Variants in CSMD1 observed in about 807,000 individuals in gnomAD.
CSMD1 encodes the protein CUB and sushi domain-containing protein 1.
CSMD1 carries 213 observed loss-of-function variants against 417.5 expected under a neutral mutation model. The ratio of observed to expected loss-of-function variants is 0.51; its 90% CI spans 0.46 to 0.57. CSMD1 has a LOEUF of 0.57. CSMD1 is among the 20% of genes least tolerant of loss of function. The pLI is 0.00. For missense variants in CSMD1, 6,923 were observed against 4,529.7 expected, an observed-to-expected ratio of 1.53 and a Z score of -15.17; for synonymous variants, 2,862 against 1,736.8, an observed-to-expected ratio of 1.65 and a Z score of -16.11.
intron 7 of CSMD1, among the ~76,000 whole-genome samples, chr8:3,681,959 A>T (rs1238510278): frequency 1.3e-5 from 2 of 152,210 alleles, no homozygotes; most frequent in African/African-American, 4.8e-5. Context: ...CCTATTCAAC[A>T]AATGGTGCTG....
intron 2 of CSMD1, among the ~76,000 whole-genome samples, chr8:4,537,154 C>T (rs1025107524): frequency 2.6e-5 from 4 of 152,072 alleles, no homozygotes; most frequent in African/African-American, 9.7e-5. Context: ...TTTGGGTCCT[C>T]TTGTACTTTT....
chr8:3,913,343 C>G (rs534939267), intron 5 of CSMD1, among the ~76,000 whole-genome samples: 4 of 151,894 alleles, frequency 2.6e-5, no homozygotes, highest in African/African-American at 9.7e-5. Context: ...AAGGCCAATC[C>G]GATATCAGAA....
chr8:3,115,810 C>A (rs564971503), intron 42 of CSMD1, among the ~76,000 whole-genome samples: 2 of 152,034 alleles, frequency 1.3e-5, no homozygotes, highest in African/African-American at 4.8e-5. Context: ...TCTAAACTGG[C>A]CAATTTTTAA....
intron 10 of CSMD1, among the ~76,000 whole-genome samples, chr8:3,541,746 A>T (rs10088878): frequency 0.39 from 54,179 of 140,508 alleles, 10,371 homozygotes; most frequent in East Asian, 0.47. Flanking sequence ...ATATTATATA[A>T]ATATATATAA....
In CSMD1 at chr8:3,367,261, C is replaced by G. The variant is rs112891734; in HGVS notation, c.2900-14G>C. 4.4e-6 allele frequency: 7 copies of G among 1,581,820 alleles called. No homozygotes were observed. In the African/African-American group the frequency reaches 8.1e-5, roughly 18 times the overall value. ...TCATTTGAACTCCTGAGAAATGAAG[C>G]CGGGGGAGAGAGAGAGAGACAGAGA... On this transcript the variant is annotated splice_polypyrimidine_tract_variant and intron_variant, in intron 19 of 69. Transcript: ENST00000635120.
At chr8:4,084,228 T>G (rs1026403003) in intron 3 of CSMD1, among the ~76,000 whole-genome samples, 1 of 151,794 alleles carries the variant, frequency 6.6e-6, no homozygotes. Context: ...CTCTGTAGAG[T>G]AGTAATCCCT....
intron 1 of CSMD1, among the ~76,000 whole-genome samples, chr8:4,743,992 T>A (rs1176452156): frequency 6.6e-6 from 1 of 152,214 alleles, no homozygotes; most frequent in Admixed American, 6.5e-5. Context: ...CAAACGTGTG[T>A]TAAAGTCACG....
chr8:3,676,189 C>A (rs752125079), intron 7 of CSMD1, among the ~76,000 whole-genome samples: 3 of 152,154 alleles, frequency 2.0e-5, no homozygotes, highest in Non-Finnish European at 2.9e-5. Flanking sequence ...GTCTTCTCCT[C>A]GTTTGTCCAT....
intron 46 of CSMD1, among the ~76,000 whole-genome samples, chr8:3,105,653 T>G (rs1459673026): frequency 1.3e-5 from 2 of 152,324 alleles, no homozygotes; most frequent in East Asian, 3.9e-4. Flanking sequence ...ATGTTAAACA[T>G]ATGTGAGAAA....
At chr8:4,581,490 AT>A (rs1401045681) in intron 2 of CSMD1, among the ~76,000 whole-genome samples, 2 of 152,214 alleles carry the variant, frequency 1.3e-5, no homozygotes, top group African/African-American at 4.8e-5. Flanking sequence ...AGATAATCTT[AT>A]GTAGAAAAAG....
At chr8:4,555,554 A>T (rs143895629) in intron 2 of CSMD1, among the ~76,000 whole-genome samples, 5 of 152,068 alleles carry the variant, frequency 3.3e-5, no homozygotes. Context: ...TTCCTGTTAC[A>T]ATTGCCTCCA....
chr8:4,395,702 T>G (rs1233214342), intron 3 of CSMD1, among the ~76,000 whole-genome samples: 1 of 152,168 alleles, frequency 6.6e-6, no homozygotes, highest in East Asian at 1.9e-4. Context: ...ACATGTATGA[T>G]GAAGAGTCTT....
chr8:3,204,574 G>T, intron 31 of CSMD1, among the ~76,000 whole-genome samples: 1 of 152,174 alleles, frequency 6.6e-6, no homozygotes, highest in African/African-American at 2.4e-5. Flanking sequence ...CATTACATTC[G>T]TAAGAGGCCC....
chr8:3,684,164 A>G (rs1799812990), intron 7 of CSMD1, among the ~76,000 whole-genome samples: 1 of 142,656 alleles, frequency 7.0e-6, no homozygotes, highest in Admixed American at 7.4e-5. Context: ...AATTTATATA[A>G]TATATATTTA....
intron 8 of CSMD1, among the ~76,000 whole-genome samples, chr8:3,613,702 AACACACACACACAC>A (rs61391436): frequency 6.9e-6 from 1 of 144,788 alleles, no homozygotes; most frequent in South Asian, 2.2e-4. Context: ...GTCAGATTAA[AACACACACACACAC>A]ACACACACAC....
At chr8:4,036,282 T>A (rs940024323) in intron 3 of CSMD1, among the ~76,000 whole-genome samples, 11 of 152,300 alleles carry the variant, frequency 7.2e-5, no homozygotes, top group Non-Finnish European at 1.3e-4. Flanking sequence ...CAAGATGCTG[T>A]TGTTATGGTC....
chr8:3,663,344 G>C (rs572184028), intron 7 of CSMD1, among the ~76,000 whole-genome samples: 2 of 152,162 alleles, frequency 1.3e-5, no homozygotes, highest in African/African-American at 2.4e-5. Flanking sequence ...GTTCTGTTTG[G>C]AACATGGCAA....
At chr8:4,288,585 C>T (rs535062484) in intron 3 of CSMD1, among the ~76,000 whole-genome samples, 16 of 152,308 alleles carry the variant, frequency 1.1e-4, no homozygotes, top group Admixed American at 3.3e-4. Context: ...TTCAGCTCTA[C>T]GCATGCAGCT....
At chr8:3,939,882 G>C (rs1016555199) in intron 5 of CSMD1, among the ~76,000 whole-genome samples, 4 of 151,968 alleles carry the variant, frequency 2.6e-5, no homozygotes, top group African/African-American at 9.7e-5. Context: ...AAGCGGGTGA[G>C]GGAATGAAAG....
Sources: gnomAD v4.1 joint callset for allele counts (sites outside exome capture counted in the v4.1 genomes callset) on GRCh38, gnomAD v4.1.1 for gene constraint, MANE v1.5 for transcripts, NCBI Gene and HGNC (gene_info 2026-07-23, HGNC 2026-07-21) for gene names.